Variants in ASAP1 observed in about 807,000 individuals in gnomAD.
The protein encoded by ASAP1 is arf-GAP with SH3 domain, ANK repeat and PH domain-containing protein 1.
In ASAP1, 43 loss-of-function variants were observed where a neutral mutation model predicts 145.2. The observed-to-expected ratio is 0.30, with a 90% CI of 0.23 to 0.38. ASAP1 has a LOEUF of 0.38. Among genes scored for constraint, ASAP1 ranks in the 10% least tolerant of loss-of-function variants. The probability of loss-of-function intolerance (pLI) is 1.00; values close to 1 mark genes in which losing one functional copy is unlikely to be tolerated. For synonymous variants in ASAP1, 546 were observed against 515.5 expected (o/e 1.06, Z -0.80); for missense variants, 1,018 against 1,355.3 (o/e 0.75, Z 3.91).
rs1219698714 is a variant in ASAP1, at chr8:130,115,866, A to G, written c.2065-131T>C. On this transcript the variant is annotated intron_variant, in intron 22 of 29. Transcript: ENST00000518721. ...CATCTGTAGGTGTACTATAGGCAAC[A>G]CTCTGCTTAGACAAGCTGCACTGCT... The G allele has an allele frequency of 5.9e-6, 4 of 681,928 alleles. No individual in the cohort carries two copies. In the East Asian group the frequency reaches 1.0e-4, roughly 17 times the overall value. 42.2% of individuals were successfully genotyped at this position (681,928 alleles called of 1,614,324 possible).
chr8:130,167,232 C>T (rs1199948542), intron 11 of ASAP1, among the ~76,000 whole-genome samples: 11 of 151,250 alleles, frequency 7.3e-5, no homozygotes, highest in Admixed American at 6.6e-5. Context: ...GTCAAGGCTG[C>T]GATGAGCCAT....
intron 5 of ASAP1, among the ~76,000 whole-genome samples, chr8:130,190,920 T>G (rs1437337154): frequency 6.6e-6 from 1 of 152,176 alleles, no homozygotes; most frequent in East Asian, 1.9e-4. Flanking sequence ...GTATTCTGTC[T>G]CCCTCACTAG....
chr8:130,065,685 T>TA (rs1161182510), intron 27 of ASAP1, among the ~76,000 whole-genome samples: 2 of 152,192 alleles, frequency 1.3e-5, no homozygotes, highest in Non-Finnish European at 2.9e-5. Flanking sequence ...AAAACAAATG[T>TA]ATCTATCAGA....
At chr8:130,283,036 T>C (rs1821347273) in intron 3 of ASAP1, among the ~76,000 whole-genome samples, 1 of 152,196 alleles carries the variant, frequency 6.6e-6, no homozygotes, top group Non-Finnish European at 1.5e-5. Context: ...ATCCAATATT[T>C]ATGTGAAATT....
At chr8:130,103,533 C>T (rs568368626) in intron 24 of ASAP1, among the ~76,000 whole-genome samples, 2 of 151,916 alleles carry the variant, frequency 1.3e-5, no homozygotes, top group East Asian at 3.9e-4. Flanking sequence ...GATGGAGTTT[C>T]GCTCTTGTCA....
intron 5 of ASAP1, among the ~76,000 whole-genome samples, chr8:130,213,775 C>T (rs1816723387): frequency 6.6e-6 from 1 of 152,180 alleles, no homozygotes; most frequent in African/African-American, 2.4e-5. Flanking sequence ...ATTTCATCCC[C>T]CAAAACCAAC....
chr8:130,121,139 A>G (rs977953859), intron 18 of ASAP1, among the ~76,000 whole-genome samples: 6 of 152,158 alleles, frequency 3.9e-5, no homozygotes, highest in Admixed American at 2.0e-4. Context: ...ACATTTCATT[A>G]TCTTCATTGC....
intron 3 of ASAP1, among the ~76,000 whole-genome samples, chr8:130,328,179 T>C (rs973806895): frequency 5.3e-5 from 8 of 152,100 alleles, no homozygotes; most frequent in Admixed American, 1.3e-4. Context: ...GTGAAACTGG[T>C]ACTAAATGAG....
At chr8:130,221,900 C>T (rs1817313748) in intron 4 of ASAP1, among the ~76,000 whole-genome samples, 1 of 152,310 alleles carries the variant, frequency 6.6e-6, no homozygotes, top group Admixed American at 6.5e-5. Flanking sequence ...TGGCATTTAC[C>T]TCACAGAGAT....
At chr8:130,078,363 T>C (rs1406103086) in intron 26 of ASAP1, among the ~76,000 whole-genome samples, 1 of 152,060 alleles carries the variant, frequency 6.6e-6, no homozygotes, top group Non-Finnish European at 1.5e-5. Context: ...GGTGCGATCA[T>C]GACTCACTGC....
At chr8:130,113,983 T>C (rs2097550761) in intron 23 of ASAP1, among the ~76,000 whole-genome samples, 2 of 152,120 alleles carry the variant, frequency 1.3e-5, no homozygotes, top group South Asian at 2.1e-4. Flanking sequence ...GGTTTCGCCA[T>C]GTTGCCCAGG....
At chr8:130,365,453 G>C (rs1244444880) in intron 2 of ASAP1, among the ~76,000 whole-genome samples, 1 of 152,102 alleles carries the variant, frequency 6.6e-6, no homozygotes, top group Non-Finnish European at 1.5e-5. Context: ...GTGTTTTATG[G>C]GAGTCCTAAA....
intron 2 of ASAP1, among the ~76,000 whole-genome samples, chr8:130,374,756 G>A (rs1359094054): frequency 1.3e-5 from 2 of 152,192 alleles, no homozygotes; most frequent in African/African-American, 4.8e-5. Flanking sequence ...TTCCACAGGA[G>A]GTGCCCAACC....
chr8:130,058,320 C>G (rs940146134), intron 28 of ASAP1, among the ~76,000 whole-genome samples: 1 of 152,186 alleles, frequency 6.6e-6, no homozygotes, highest in Non-Finnish European at 1.5e-5. Context: ...TGGGCATCAT[C>G]AAGTTATTTT....
chr8:130,199,910 T>C (rs1815758143), intron 5 of ASAP1, among the ~76,000 whole-genome samples: 1 of 152,188 alleles, frequency 6.6e-6, no homozygotes, highest in African/African-American at 2.4e-5. Context: ...CTTATAACAA[T>C]TCTCAATTTT....
At chr8:130,203,914 T>G (rs1471817895) in intron 5 of ASAP1, among the ~76,000 whole-genome samples, 1 of 152,222 alleles carries the variant, frequency 6.6e-6, no homozygotes, top group East Asian at 1.9e-4. Flanking sequence ...TTAATTGCTG[T>G]TTTTTAAATC....
chr8:130,154,421 C>T (rs2097653782), intron 12 of ASAP1, among the ~76,000 whole-genome samples: 1 of 151,992 alleles, frequency 6.6e-6, no homozygotes, highest in African/African-American at 2.4e-5. Flanking sequence ...TGTGGTAGAT[C>T]TGCGTGTGTG....
rs1490676395 is a variant in ASAP1, at chr8:130,358,717, C to T, written c.60-574G>A. ...CAGCCCCGCCCCCCCGGTCCCTCCCCGCCCGCGCCCCGCCCCCGGCCCGGC... is the reference window on the plus strand; with the variant it reads ...CAGCCCCGCCCCCCCGGTCCCTCCCTGCCCGCGCCCCGCCCCCGGCCCGGC... On this transcript the variant is annotated intron_variant, in intron 2 of 29. Coordinates refer to ENST00000518721, the MANE Select transcript of ASAP1 (RefSeq NM_018482.4). The surrounding 1 kb of genome is among the most constrained non-coding windows in gnomAD (Gnocchi z 4.1). 7.1e-6 allele frequency among the ~76,000 whole-genome samples: 1 copy of T among 140,110 alleles called. No individual in the cohort carries two copies. Among genetic ancestry groups the T allele is most frequent in the Non-Finnish European group, 1.6e-5 (1 of 63,536 alleles). 91.9% of individuals were successfully genotyped at this position (140,110 alleles called of 152,430 possible).
chr8:130,392,226 A>G (rs1026653134), intron 2 of ASAP1, among the ~76,000 whole-genome samples: 5 of 152,202 alleles, frequency 3.3e-5, no homozygotes, highest in African/African-American at 7.2e-5. Context: ...AAAAGCCCCC[A>G]AAAGGGACTC....
Sources: allele counts gnomAD v4.1 joint callset (sites outside exome capture counted in the v4.1 genomes callset), GRCh38; gene constraint gnomAD v4.1.1; non-coding constraint Gnocchi (gnomAD v3.1); transcripts MANE v1.5; gene names NCBI Gene and HGNC (gene_info 2026-07-23, HGNC 2026-07-21).